Variants in ZHX3 observed in about 807,000 individuals in gnomAD.
The protein encoded by ZHX3 is zinc fingers and homeoboxes protein 3.
In ZHX3, 20 loss-of-function variants were observed where a neutral mutation model predicts 64.5. The observed-to-expected ratio is 0.31, with a 90% CI of 0.22 to 0.45. The LOEUF is 0.45. Among genes scored for constraint, ZHX3 ranks in the 20% least tolerant of loss-of-function variants. The pLI is 1.00. For missense variants in ZHX3, 1,041 were observed against 1,195.8 expected, an observed-to-expected ratio of 0.87 and a Z score of 1.91; for synonymous variants, 423 against 461.6, an observed-to-expected ratio of 0.92 and a Z score of 1.07.
chr20:41,282,361 C>CTTGTTTTTTTTTTTT (rs2043722042), intron 1 of ZHX3, among the ~76,000 whole-genome samples: 1 of 97,212 alleles, frequency 1.0e-5, no homozygotes, highest in Admixed American at 1.3e-4. Context: ...CACAATTCAT[C>CTTGTTTTTTTTTTTT]TTTTTTTTTT....
In ZHX3 at chr20:41,180,665, G is replaced by T. The variant is rs1383308915; in HGVS notation, c.*4526C>A. On this transcript the variant is annotated 3_prime_UTR_variant, in exon 4 of 4. Coordinates refer to ENST00000683867, the MANE Select transcript of ZHX3 (RefSeq NM_001384317.1). The stretch of plus-strand genomic sequence containing the variant: ...CTTCACAACCAAGTGCAGACGCTCG[G>T]TGAGTTCAGAGACCACTTGGTTAGC... The T allele has an allele frequency of 6.6e-6, 1 of 152,132 alleles. No homozygotes were observed. Among genetic ancestry groups the T allele is most frequent in the Admixed American group, 6.5e-5 (1 of 15,278 alleles). 9.4% of individuals were successfully genotyped at this position (152,132 alleles called of 1,614,324 possible).
intron 3 of ZHX3, among the ~76,000 whole-genome samples, chr20:41,194,599 T>C (rs2037327000): frequency 6.6e-6 from 1 of 152,210 alleles, no homozygotes; most frequent in South Asian, 2.1e-4. Flanking sequence ...AAGAAGTGTT[T>C]ACTCCTCTTC....
At chr20:41,197,410 G>T (rs1449495758) in intron 3 of ZHX3, among the ~76,000 whole-genome samples, 4 of 144,568 alleles carry the variant, frequency 2.8e-5, no homozygotes, top group African/African-American at 5.0e-5. Context: ...ATATATAATT[G>T]TATATATTTA....
chr20:41,288,532 G>A (rs1289976625), intron 1 of ZHX3, among the ~76,000 whole-genome samples: 2 of 152,072 alleles, frequency 1.3e-5, no homozygotes, highest in Admixed American at 1.3e-4. Context: ...GTTTCCCTAG[G>A]CAATGCCAAA....
chr20:41,242,526 C>T (rs1217937457), intron 2 of ZHX3, among the ~76,000 whole-genome samples: 1 of 152,220 alleles, frequency 6.6e-6, no homozygotes, highest in Non-Finnish European at 1.5e-5. Flanking sequence ...GCCACATACA[C>T]AGCTGTTAGC....
At chr20:41,254,721 T>C (rs906998714) in intron 2 of ZHX3, 2 of 152,342 alleles carry the variant, frequency 1.3e-5, no homozygotes, top group Middle Eastern at 6.8e-3. Flanking sequence ...TATATATGCA[T>C]ATATGGCTTA....
chr20:41,235,487 A>G (rs1446326170), intron 2 of ZHX3, among the ~76,000 whole-genome samples: 1 of 152,226 alleles, frequency 6.6e-6, no homozygotes, highest in African/African-American at 2.4e-5. Context: ...CAATAAATGT[A>G]ATCCATCATA....
At chr20:41,187,342 AAAAAAG>A (rs1323777798) in intron 3 of ZHX3, among the ~76,000 whole-genome samples, 4 of 151,832 alleles carry the variant, frequency 2.6e-5, no homozygotes, top group Admixed American at 6.6e-5. Context: ...AAAAAAAAAA[AAAAAAG>A]TAATAATTGC....
chr20:41,289,043 G>A (rs1331746870), intron 1 of ZHX3, among the ~76,000 whole-genome samples: 2 of 152,148 alleles, frequency 1.3e-5, no homozygotes, highest in Non-Finnish European at 2.9e-5. Context: ...AGTCCGGAAT[G>A]CAGTGGCGCA....
At chr20:41,289,789 G>A (rs1330490422) in intron 1 of ZHX3, among the ~76,000 whole-genome samples, 2 of 149,974 alleles carry the variant, frequency 1.3e-5, no homozygotes, top group Non-Finnish European at 3.0e-5. Context: ...GTCTTACTTG[G>A]TTCATGGCCA....
intron 1 of ZHX3, among the ~76,000 whole-genome samples, chr20:41,308,968 C>G (rs2045054802): frequency 1.3e-5 from 2 of 152,164 alleles, no homozygotes; most frequent in African/African-American, 4.8e-5. Context: ...CTCAGCCTTT[C>G]TGAACAAACT....
In ZHX3 at chr20:41,185,250, GC is replaced by G; in HGVS notation, c.2861-50del. On this transcript the variant is annotated intron_variant, in intron 3 of 3. Transcript: ENST00000683867. This position sits in a 1 kb window ranked among gnomAD's most constrained non-coding sequence, Gnocchi z 5.0. ...CACTCTACGGCAGCTGCCACCACCT[GC>G]CCCCCAGGCAGCCTGGTCCTTGCTA... 3.2e-6 allele frequency: 5 copies of G among 1,560,000 alleles called. No individual in the cohort carries two copies. Among genetic ancestry groups the G allele is most frequent in the East Asian group, 2.3e-5 (1 of 44,252 alleles).
intron 1 of ZHX3, among the ~76,000 whole-genome samples, chr20:41,296,626 A>G (rs757086713): frequency 5.3e-5 from 8 of 152,248 alleles, no homozygotes; most frequent in Non-Finnish European, 1.2e-4. Context: ...TAAGTCTACT[A>G]TTTCCCAGAT....
At chr20:41,217,219 C>T (rs186205954) in intron 2 of ZHX3, among the ~76,000 whole-genome samples, 225 of 151,908 alleles carry the variant, frequency 1.5e-3, no homozygotes, top group African/African-American at 5.1e-3. Context: ...GATGCACACT[C>T]GAATATTTAT....
At chr20:41,304,983 T>C (rs2044931780) in intron 1 of ZHX3, among the ~76,000 whole-genome samples, 1 of 152,222 alleles carries the variant, frequency 6.6e-6, no homozygotes, top group Admixed American at 6.5e-5. Flanking sequence ...TTTGCCAGAA[T>C]TACCGCATCA....
intron 1 of ZHX3, among the ~76,000 whole-genome samples, chr20:41,305,947 T>C (rs558365304): frequency 6.6e-6 from 1 of 152,266 alleles, no homozygotes; most frequent in East Asian, 1.9e-4. Flanking sequence ...TTTTGTACTA[T>C]ATTGTGGTAT....
At chr20:41,268,664 T>G (rs2042979277) in intron 2 of ZHX3, among the ~76,000 whole-genome samples, 1 of 152,216 alleles carries the variant, frequency 6.6e-6, no homozygotes. Context: ...GCTGACACTT[T>G]GACTCACCCT....
chr20:41,292,840 T>C (rs1568952353), intron 1 of ZHX3, among the ~76,000 whole-genome samples: 1 of 152,254 alleles, frequency 6.6e-6, no homozygotes, highest in Non-Finnish European at 1.5e-5. Flanking sequence ...AAAAAAACAG[T>C]ATACACAACC....
chr20:41,229,833 A>G (rs2040488437), intron 2 of ZHX3, among the ~76,000 whole-genome samples: 1 of 152,126 alleles, frequency 6.6e-6, no homozygotes, highest in Non-Finnish European at 1.5e-5. Flanking sequence ...TATGGTTTGC[A>G]AGTGTCATGA....
Sources: gnomAD v4.1 joint callset for allele counts (sites outside exome capture counted in the v4.1 genomes callset) on GRCh38, gnomAD v4.1.1 for gene constraint, Gnocchi (gnomAD v3.1) non-coding constraint, MANE v1.5 for transcripts, NCBI Gene and HGNC (gene_info 2026-07-23, HGNC 2026-07-21) for gene names.